Variants in FAM114A1 observed in about 807,000 individuals in gnomAD.
FAM114A1 encodes family with sequence similarity 114 member A1, also known as protein NOXP20.
A neutral mutation model predicts 64.3 loss-of-function variants in FAM114A1; 62 were observed. That is an observed-to-expected ratio of 0.96 (90% CI 0.79 to 1.19). FAM114A1 has a LOEUF of 1.19. Ranked by LOEUF, FAM114A1 falls within the 50% of genes most tolerant of loss-of-function variation. The probability of loss-of-function intolerance (pLI) is 0.00; values close to 1 mark genes in which losing one functional copy is unlikely to be tolerated. For missense variants in FAM114A1, 645 were observed against 676.3 expected, an observed-to-expected ratio of 0.95 and a Z score of 0.51; for synonymous variants, 254 against 251.1, an observed-to-expected ratio of 1.01 and a Z score of -0.11.
intron 8 of FAM114A1, among the ~76,000 whole-genome samples, chr4:38,920,617 C>T (rs544810299): frequency 3.3e-5 from 5 of 152,312 alleles, no homozygotes; most frequent in African/African-American, 4.8e-5. Flanking sequence ...GATTGCCATC[C>T]GCCAGAAGAC....
intron 3 of FAM114A1, among the ~76,000 whole-genome samples, chr4:38,879,239 G>A (rs213538): frequency 6.6e-6 from 1 of 152,152 alleles, no homozygotes; most frequent in African/African-American, 2.4e-5. Context: ...GGGTGGTGCA[G>A]GAGGGAGGAA....
intron 1 of FAM114A1, chr4:38,868,043 G>A: frequency 2.3e-6 from 1 of 426,000 alleles, no homozygotes; most frequent in Non-Finnish European, 4.8e-6. Flanking sequence ...GGACCTGCGT[G>A]GGTGCGGGCG....
At chr4:38,885,564 A>G (rs1481324302) in intron 3 of FAM114A1, among the ~76,000 whole-genome samples, 1 of 152,182 alleles carries the variant, frequency 6.6e-6, no homozygotes, top group Admixed American at 6.5e-5. Context: ...GGAGTGTGCC[A>G]CCGAAGCCAG....
At chr4:38,901,364 C>T (rs1403328084) in intron 4 of FAM114A1, among the ~76,000 whole-genome samples, 1 of 152,150 alleles carries the variant, frequency 6.6e-6, no homozygotes, top group Non-Finnish European at 1.5e-5. Context: ...ACTCAGCTCG[C>T]TGCACCCATG....
intron 8 of FAM114A1, among the ~76,000 whole-genome samples, chr4:38,917,732 G>A (rs1719209418): frequency 6.6e-6 from 1 of 152,114 alleles, no homozygotes; most frequent in Non-Finnish European, 1.5e-5. Flanking sequence ...AACAGCCCCA[G>A]GGCCCTGGAA....
intron 8 of FAM114A1, among the ~76,000 whole-genome samples, chr4:38,915,385 T>C (rs1003745753): frequency 5.9e-5 from 9 of 152,152 alleles, no homozygotes; most frequent in Non-Finnish European, 1.0e-4. Flanking sequence ...CTGCCTCCCT[T>C]TGGTAACGAA....
intron 3 of FAM114A1, 77 bp downstream of exon 3, chr4:38,878,503 C>T (rs1714899406): frequency 7.4e-7 from 1 of 1,359,682 alleles, no homozygotes; most frequent in South Asian, 1.4e-5. Context: ...GCACCAAGCT[C>T]TGTGGGTGGG....
intron 10 of FAM114A1, 96 bp downstream of exon 10, chr4:38,929,429 A>G: frequency 1.1e-5 from 10 of 925,764 alleles, no homozygotes; most frequent in South Asian, 1.5e-5. Flanking sequence ...GAAATGGAAA[A>G]CCCCCAAATC....
At position 38,902,601 on chromosome 4, in the gene FAM114A1, G is replaced by C. The variant is rs114055715; in HGVS notation, c.437-2921G>C. Among the ~76,000 whole-genome samples the C allele has an allele frequency of 8.5e-3, 1,299 of 152,250 alleles. 27 individuals are homozygous for C. The highest frequency in any genetic ancestry group is 0.03 in the African/African-American group (1,233 of 41,528). ...AAAATGATACATTATCGAAGCATTT[G>C]TACGACATTCTCATCTTCTTTGCAG... On this transcript the variant is annotated intron_variant, in intron 4 of 14. Transcript: ENST00000358869.
rs374383051 is a variant in FAM114A1 at position 38,922,745 on chromosome 4, C to T, written c.946-25C>T. On this transcript the variant is annotated intron_variant, in intron 8 of 14. Transcript: ENST00000358869. ...ATTAACGAGAAGAAAAGATGACAGT[C>T]GTGCTGACCTATTTCTTTTTTCAGG... 1.3e-5 allele frequency: 20 copies of T among 1,597,272 alleles called. No homozygotes were observed. The African/African-American group carries it at 1.9e-4, about 15-fold the overall frequency.
chr4:38,879,448 GT>G (rs758177313), intron 3 of FAM114A1, among the ~76,000 whole-genome samples: 2 of 152,222 alleles, frequency 1.3e-5, no homozygotes, highest in Non-Finnish European at 2.9e-5. Flanking sequence ...TGCGCTTCAG[GT>G]TTTTCCTCTA....
At chr4:38,939,557 T>TAAA (rs1472900177) in intron 13 of FAM114A1, among the ~76,000 whole-genome samples, 1 of 152,210 alleles carries the variant, frequency 6.6e-6, no homozygotes, top group Non-Finnish European at 1.5e-5. Flanking sequence ...GGTTACTTAC[T>TAAA]AAAATGACTG....
intron 4 of FAM114A1, among the ~76,000 whole-genome samples, chr4:38,904,521 C>G (rs898187642): frequency 1.3e-5 from 2 of 152,178 alleles, no homozygotes; most frequent in Admixed American, 1.3e-4. Flanking sequence ...TGGAGTAAAA[C>G]CTGTGCTCTT....
At chr4:38,878,474 T>G (rs1579294600) in intron 3 of FAM114A1, 48 bp downstream of exon 3, 2 of 1,512,948 alleles carry the variant, frequency 1.3e-6, no homozygotes, top group African/African-American at 2.8e-5. Flanking sequence ...CTTGCTTATA[T>G]CTACCGTGTG....
intron 6 of FAM114A1, among the ~76,000 whole-genome samples, chr4:38,906,363 C>T (rs1718004646): frequency 6.6e-6 from 1 of 151,856 alleles, no homozygotes; most frequent in Non-Finnish European, 1.5e-5. Flanking sequence ...TCCCACCCTT[C>T]CTCCTCCTTA....
At chr4:38,898,342 T>C (rs190914096) in intron 4 of FAM114A1, among the ~76,000 whole-genome samples, 128 of 152,348 alleles carry the variant, frequency 8.4e-4, no homozygotes, top group African/African-American at 2.9e-3. Context: ...CATAGTTTTT[T>C]CCTTCTGCAC....
intron 2 of FAM114A1, among the ~76,000 whole-genome samples, chr4:38,869,700 G>A (rs959983084): frequency 2.6e-5 from 4 of 151,396 alleles, no homozygotes; most frequent in Admixed American, 6.6e-5. Context: ...CTGGTCCTTC[G>A]CTGACTGGCA....
intron 8 of FAM114A1, among the ~76,000 whole-genome samples, chr4:38,919,092 G>A (rs1719342271): frequency 6.6e-6 from 1 of 152,088 alleles, no homozygotes; most frequent in Admixed American, 6.6e-5. Context: ...GGCGGAGGTT[G>A]TAGTGAGCCG....
intron 8 of FAM114A1, among the ~76,000 whole-genome samples, chr4:38,915,627 C>G (rs2109723335): frequency 6.6e-6 from 1 of 152,268 alleles, no homozygotes; most frequent in Middle Eastern, 3.4e-3. Flanking sequence ...CTGGGAAACC[C>G]AGCCTACCCA....
Sources: allele counts gnomAD v4.1 joint callset (sites outside exome capture counted in the v4.1 genomes callset), GRCh38; gene constraint gnomAD v4.1.1; transcripts MANE v1.5; gene names NCBI Gene and HGNC (gene_info 2026-07-23, HGNC 2026-07-21).